The following SMYD3 variants were observed in gnomAD, a reference collection of about 807,000 sequenced individuals.
SMYD3 encodes the protein SET and MYND domain containing 3, also known as histone-lysine N-methyltransferase SMYD3.
Under a neutral mutation model 57.7 loss-of-function variants are expected in SMYD3, and 36 were observed. The ratio of observed to expected loss-of-function variants is 0.62; its 90% CI spans 0.48 to 0.82. The LOEUF (loss-of-function observed/expected upper bound fraction) is 0.82, where lower values mean the gene tolerates loss of function less well. Ranked by LOEUF, SMYD3 falls within the 40% of genes least tolerant of loss-of-function variation. The pLI, the probability that SMYD3 is intolerant of heterozygous loss-of-function variation, is 0.00. For synonymous variants in SMYD3, 211 were observed against 195.0 expected (o/e 1.08, Z -0.68); for missense variants, 515 against 538.8 (o/e 0.96, Z 0.44).
intron 1 of SMYD3, among the ~76,000 whole-genome samples, chr1:246,476,234 G>A (rs1281944699): frequency 2.0e-5 from 3 of 152,100 alleles, no homozygotes; most frequent in East Asian, 1.9e-4. Flanking sequence ...TACCATCATC[G>A]TCACTGTTTT....
At chr1:246,384,325 T>C (rs1481871640) in intron 1 of SMYD3, among the ~76,000 whole-genome samples, 1 of 152,156 alleles carries the variant, frequency 6.6e-6, no homozygotes, top group Non-Finnish European at 1.5e-5. Context: ...TCCCATAATG[T>C]TCTAAACAGA....
intron 1 of SMYD3, among the ~76,000 whole-genome samples, chr1:246,505,563 C>T (rs570501097): frequency 8.7e-6 from 1 of 115,514 alleles, no homozygotes; most frequent in Non-Finnish European, 1.9e-5. Context: ...CAGTGCAATC[C>T]TAACTTGGTT....
At chr1:246,108,355 T>G (rs1444091561) in intron 5 of SMYD3, among the ~76,000 whole-genome samples, 1 of 152,208 alleles carries the variant, frequency 6.6e-6, no homozygotes, top group Admixed American at 6.5e-5. Context: ...GGTTACGCTA[T>G]GAATACAGGT....
intron 5 of SMYD3, among the ~76,000 whole-genome samples, chr1:246,029,545 G>T (rs568746157): frequency 1.3e-5 from 2 of 151,596 alleles, no homozygotes; most frequent in Non-Finnish European, 2.9e-5. Context: ...GGTGACACAC[G>T]CCTGTAATCC....
chr1:246,149,895 C>A (rs1226183222), intron 5 of SMYD3, among the ~76,000 whole-genome samples: 1 of 152,238 alleles, frequency 6.6e-6, no homozygotes, highest in African/African-American at 2.4e-5. Context: ...CCCAAAGATT[C>A]CTCTGTCTGC....
At chr1:246,034,888 G>A (rs2059743219) in intron 5 of SMYD3, among the ~76,000 whole-genome samples, 1 of 152,116 alleles carries the variant, frequency 6.6e-6, no homozygotes. Context: ...GCACAAATTC[G>A]CTTGTATGAA....
intron 5 of SMYD3, among the ~76,000 whole-genome samples, chr1:246,249,449 A>G (rs970582092): frequency 6.6e-6 from 1 of 152,206 alleles, no homozygotes; most frequent in Non-Finnish European, 1.5e-5. Context: ...CAACACAAAT[A>G]TGGAAACTAT....
rs1021389272 is a variant in SMYD3 at position 246,423,848 on chromosome 1, A to T, written c.165-68754T>A. On this transcript the variant is annotated intron_variant, in intron 1 of 11. Transcript: ENST00000490107. ...GTAGAATCTTATAGACCACTGTAGA[A>T]ACTTTGCCACAGAAGTTTCCCCCAG... is the stretch of plus-strand genomic sequence containing the variant. Among the ~76,000 whole-genome samples, 55 of 152,288 alleles carry T rather than the reference A, an allele frequency of 3.6e-4. 1 individual carries two copies. Among genetic ancestry groups the T allele is most frequent in the African/African-American group, 1.3e-3 (52 of 41,572 alleles).
intron 5 of SMYD3, among the ~76,000 whole-genome samples, chr1:246,088,279 T>TTC (rs1261782858): frequency 1.3e-5 from 2 of 151,680 alleles, no homozygotes; most frequent in East Asian, 1.9e-4. Flanking sequence ...TTCTCTTTCT[T>TTC]TCTCTCTCTC....
chr1:246,152,237 G>A (rs1249069257), intron 5 of SMYD3, among the ~76,000 whole-genome samples: 1 of 152,182 alleles, frequency 6.6e-6, no homozygotes, highest in Non-Finnish European at 1.5e-5. Context: ...GACACCTGGC[G>A]TCTGGAGAGC....
intron 11 of SMYD3, among the ~76,000 whole-genome samples, chr1:245,752,547 T>TC (rs1237048186): frequency 1.3e-5 from 2 of 152,246 alleles, no homozygotes; most frequent in Non-Finnish European, 2.9e-5. Context: ...GCTCCAGGCT[T>TC]CCTTCCTCGC....
intron 5 of SMYD3, among the ~76,000 whole-genome samples, chr1:246,043,063 T>A (rs2148299658): frequency 9.5e-6 from 1 of 105,188 alleles, no homozygotes; most frequent in South Asian, 3.1e-4. Flanking sequence ...TACTTCTTTA[T>A]CCCCACCTCT....
intron 8 of SMYD3, among the ~76,000 whole-genome samples, chr1:245,867,954 A>C (rs1180215984): frequency 6.6e-6 from 1 of 152,198 alleles, no homozygotes; most frequent in African/African-American, 2.4e-5. Flanking sequence ...TGCATGTCAT[A>C]TCTTCCCCAC....
chr1:245,887,038 C>T (rs2053125469), intron 8 of SMYD3, among the ~76,000 whole-genome samples: 2 of 152,150 alleles, frequency 1.3e-5, no homozygotes, highest in South Asian at 4.1e-4. Context: ...AGAGCAACTC[C>T]ATCTTGAATA....
At chr1:245,812,393 A>G (rs952188351) in intron 10 of SMYD3, among the ~76,000 whole-genome samples, 5 of 152,084 alleles carry the variant, frequency 3.3e-5, no homozygotes, top group Non-Finnish European at 5.9e-5. Context: ...TTCCCCTACT[A>G]CCAGGCACCA....
chr1:246,018,697 C>T (rs1388030179), intron 5 of SMYD3, among the ~76,000 whole-genome samples: 1 of 125,514 alleles, frequency 8.0e-6, no homozygotes, highest in Non-Finnish European at 1.7e-5. Context: ...CTTCAAATTC[C>T]GGGGCTCATG....
intron 5 of SMYD3, among the ~76,000 whole-genome samples, chr1:246,284,362 A>G (rs2148579408): frequency 6.6e-6 from 1 of 152,132 alleles, no homozygotes; most frequent in East Asian, 1.9e-4. Flanking sequence ...AATTCTCTCA[A>G]TACCATGAAA....
At chr1:245,767,589 G>A (rs780615816) in intron 10 of SMYD3, among the ~76,000 whole-genome samples, 10 of 152,174 alleles carry the variant, frequency 6.6e-5, no homozygotes, top group Non-Finnish European at 1.0e-4. Context: ...TTCCACTGGA[G>A]ATGATGATGG....
chr1:246,500,061 C>T (rs1206280454), intron 1 of SMYD3, among the ~76,000 whole-genome samples: 2 of 152,176 alleles, frequency 1.3e-5, no homozygotes, highest in African/African-American at 4.8e-5. Context: ...CTACCATCAC[C>T]ACAGACACTG....
Sources: allele counts gnomAD v4.1 joint callset (sites outside exome capture counted in the v4.1 genomes callset), GRCh38; gene constraint gnomAD v4.1.1; transcripts MANE v1.5; gene names NCBI Gene and HGNC (gene_info 2026-07-23, HGNC 2026-07-21).